The following RNF213 variants were observed in gnomAD, a reference collection of about 807,000 sequenced individuals.
The protein encoded by RNF213 is ring finger protein 213, also known as E3 ubiquitin-protein ligase RNF213.
RNF213 carries 341 observed loss-of-function variants against 514.4 expected under a neutral mutation model. The observed-to-expected ratio is 0.66, with a 90% CI of 0.61 to 0.73. The LOEUF is 0.73. Ranked by LOEUF, RNF213 falls within the 30% of genes least tolerant of loss-of-function variation. RNF213 has a pLI of 0.00. For synonymous variants in RNF213, 2,655 were observed against 2,658.2 expected (o/e 1.00, Z 0.04); for missense variants, 5,767 against 6,615.6 (o/e 0.87, Z 4.45).
At position 80,386,902 on chromosome 17, in the gene RNF213, C is replaced by G. The variant is rs757392999; in HGVS notation, c.14922+11C>G. 2 of 1,603,378 alleles carry G rather than the reference C, an allele frequency of 1.2e-6. No homozygotes were observed. On this transcript the variant is annotated intron_variant, in intron 63 of 67. Transcript: ENST00000582970. ...CGGCTGAGCCTCAAGGTAGGGCTGA[C>G]TCCTGCCACTGCTGCTCATTTGGTG...
chr17:80,296,567 C>A (rs752982011), intron 10 of RNF213, among the ~76,000 whole-genome samples: 8 of 152,142 alleles, frequency 5.3e-5, no homozygotes, highest in Non-Finnish European at 7.4e-5. Context: ...CCTGCTCAGA[C>A]CCCACTGAGC....
At chr17:80,266,651 G>A (rs1484136686) in intron 2 of RNF213, among the ~76,000 whole-genome samples, 1 of 151,922 alleles carries the variant, frequency 6.6e-6, no homozygotes, top group African/African-American at 2.4e-5. Context: ...ACAGGCGTGA[G>A]GCACCACCCT....
At chr17:80,341,717 A>G (rs2078159248) in intron 26 of RNF213, 1 of 152,242 alleles carries the variant, frequency 6.6e-6, no homozygotes, top group Non-Finnish European at 1.5e-5. Context: ...CAGCCTAGGC[A>G]ACGGGGCAAG....
rs1374129875 is a variant in RNF213 at position 80,375,851 on chromosome 17, G to A, written c.13166G>A (p.Ser4389Asn). Residue 4389 changes from serine to asparagine, a missense_variant, in exon 51 of 68, where the codon AGC becomes AAC. Transcript: ENST00000582970. Reference protein sequence around the residue: ...VAILYRSHNASLHPTPEQCEA... With the variant: ...VAILYRSHNANLHPTPEQCEA... ...ATTTTGTACAGATCCCACAATGCAAGCCTCCACCCCACGCCAGAGGTGAGT... is the reference window on the plus strand; with the variant it reads ...ATTTTGTACAGATCCCACAATGCAAACCTCCACCCCACGCCAGAGGTGAGT... The A allele has an allele frequency of 6.2e-7, 1 of 1,613,126 alleles. No individual in the cohort carries two copies. The highest frequency in any genetic ancestry group is 2.2e-5 in the East Asian group (1 of 44,878).
At chr17:80,351,114 A>C (rs925427396) in intron 31 of RNF213, among the ~76,000 whole-genome samples, 2 of 152,246 alleles carry the variant, frequency 1.3e-5, no homozygotes, top group African/African-American at 4.8e-5. Context: ...TTCGTGGCTT[A>C]AATCTCAACA....
intron 23 of RNF213, chr17:80,336,613 G>T: frequency 1.8e-6 from 1 of 559,708 alleles, no homozygotes; most frequent in Non-Finnish European, 3.3e-6. Flanking sequence ...AAACACACGT[G>T]GAAAAAAGAC....
chr17:80,376,002 T>C (rs577639463), intron 51 of RNF213, 132 bp downstream of exon 51: 52 of 800,062 alleles, frequency 6.5e-5, no homozygotes, highest in Non-Finnish European at 6.0e-5. Flanking sequence ...AACCTTGTTA[T>C]GTGGAGGAAC....
intron 22 of RNF213, among the ~76,000 whole-genome samples, chr17:80,335,948 G>C (rs2077975883): frequency 6.8e-6 from 1 of 146,678 alleles, no homozygotes; most frequent in South Asian, 2.2e-4. Context: ...CTTCACTCCA[G>C]CTTGGGTGAC....
At chr17:80,349,682 A>T in intron 29 of RNF213, 88 bp from the exon 30 acceptor site, 1 of 1,415,320 alleles carries the variant, frequency 7.1e-7, no homozygotes, top group Non-Finnish European at 1.0e-6. Flanking sequence ...TGAACATCGC[A>T]GGTTTCTAGG....
intron 17 of RNF213, 82 bp from the exon 18 acceptor site, chr17:80,324,948 G>A (rs1235779650): frequency 2.5e-5 from 32 of 1,290,534 alleles, no homozygotes; most frequent in Admixed American, 6.0e-5. Context: ...AAATGCTATC[G>A]AGTAGGTAAT....
intron 6 of RNF213, 74 bp from the exon 7 acceptor site, chr17:80,290,482 CGCACGTGTGTGTGT>C (rs893321293): frequency 1.1e-5 from 16 of 1,502,302 alleles, no homozygotes; most frequent in African/African-American, 3.0e-5. Context: ...CGTGTGTGTG[CGCACGTGTGTGTGT>C]GCGCGTGTGT....
chr17:80,315,534 C>G (rs373274594), intron 15 of RNF213: 1 of 526 alleles, frequency 1.9e-3, no homozygotes, highest in Non-Finnish European at 5.8e-3. Context: ...GGTGGAGGTA[C>G]TGGAGGTGAT....
chr17:80,376,211 T>G, intron 51 of RNF213, 90 bp from the exon 52 acceptor site: 1 of 1,451,520 alleles, frequency 6.9e-7, no homozygotes, highest in Non-Finnish European at 9.6e-7. Context: ...TACCTTGATA[T>G]TTGATGTGTA....
At chr17:80,335,248 C>T (rs139157027) in intron 22 of RNF213, among the ~76,000 whole-genome samples, 1 of 152,284 alleles carries the variant, frequency 6.6e-6, no homozygotes, top group Non-Finnish European at 1.5e-5. Context: ...AGATTTTTCT[C>T]ACTTCTCCAT....
Position 80,263,658 on chromosome 17 carries a change from T to G in RNF213, c.-24T>G. The G allele has an allele frequency of 6.2e-7, 1 of 1,605,364 alleles. No homozygotes were observed. Among genetic ancestry groups the G allele is most frequent in the Non-Finnish European group, 8.5e-7 (1 of 1,172,064 alleles). On this transcript the variant is annotated 5_prime_UTR_variant, in exon 2 of 68. Transcript: ENST00000582970. This position sits in a 1 kb window ranked among gnomAD's most constrained non-coding sequence, Gnocchi z 4.9. ...CGACTCCTGCTCTTGCTTCTGGATC[T>G]GCAGGGCAGTCCCAGCAGGACCCAT...
Position 80,379,643 on chromosome 17 carries a change from C to A in RNF213, c.13569C>A (p.Ser4523Arg). Residue 4523 changes from serine (S) to arginine (R), a missense_variant, in exon 55 of 68, where the codon AGC (serine) becomes AGA (arginine). Coordinates refer to ENST00000582970, the MANE Select transcript of RNF213 (RefSeq NM_001256071.3). The part of the protein sequence containing the change: ...VGECGRPMEQ[S>R]ICIDCHAPIG... ...AGTGTGGCAGGCCGATGGAACAGAGCATCTGCATTGACTGCCATGCGCCGA... is the reference window on the plus strand; with the variant it reads ...AGTGTGGCAGGCCGATGGAACAGAGAATCTGCATTGACTGCCATGCGCCGA... 6.2e-7 allele frequency: 1 copy of A among 1,614,238 alleles called. No homozygotes were observed. Among genetic ancestry groups the A allele is most frequent in the Non-Finnish European group, 8.5e-7 (1 of 1,180,038 alleles).
Position 80,277,524 on chromosome 17 carries a change from G to GGAGGCA in RNF213, c.261+4125_261+4130dup, listed in dbSNP as rs1296756533. On this transcript the variant is annotated intron_variant, in intron 3 of 67. Coordinates refer to ENST00000582970, the MANE Select transcript of RNF213 (RefSeq NM_001256071.3). ...GAGGCAGGAGAATTGCTTGAACCTA[G>GGAGGCA]GAGGCAGAGGTTGCAGTGAGCCGAG... Among the ~76,000 whole-genome samples, 13 of 149,402 alleles carry GGAGGCA rather than the reference G, an allele frequency of 8.7e-5. No individual in the cohort carries two copies. In the East Asian group the frequency reaches 2.4e-3, roughly 28 times the overall value.
chr17:80,308,916 G>T, intron 13 of RNF213, 102 bp from the exon 14 acceptor site: 2 of 1,401,694 alleles, frequency 1.4e-6, no homozygotes, highest in Non-Finnish European at 2.0e-6. Context: ...CAAATGCCCT[G>T]TTGGTAGTTA....
chr17:80,376,408 G>C lies in RNF213; in HGVS notation c.13293G>C (p.Arg4431Ser). The C allele has an allele frequency of 6.2e-7, 1 of 1,614,196 alleles. No individual in the cohort carries two copies. The highest frequency in any genetic ancestry group is 1.7e-5 in the Admixed American group (1 of 60,026). The change falls in exon 52 of 68, where the codon AGG (arginine) becomes AGC (serine). Residue 4431 changes from arginine (R) to serine (S), a missense_variant. Arg to Ser is a moderately radical substitution (Grantham distance 110). Around this residue, in one of 13 missense-constraint regions of RNF213, gnomAD observed 1,245 missense variants for 1,339.0 expected, o/e 0.93. Coordinates refer to ENST00000582970, the MANE Select transcript of RNF213 (RefSeq NM_001256071.3). ...SLVDNSVPLL[R>S]AGPSDSNLDG... ...TGGACAATTCTGTGCCATTGTTGAG[G>C]GCGGGGCCTAGTGACAGCAACCTTG...
Sources: gnomAD v4.1 joint callset for allele counts (sites outside exome capture counted in the v4.1 genomes callset) on GRCh38, gnomAD v4.1.1 for gene constraint, gnomAD v4.1.1 regional missense constraint, Gnocchi (gnomAD v3.1) non-coding constraint, MANE v1.5 for transcripts, NCBI Gene and HGNC (gene_info 2026-07-23, HGNC 2026-07-21) for gene names.